Variants in PTPRD observed in about 807,000 individuals in gnomAD.
PTPRD encodes the protein receptor-type tyrosine-protein phosphatase delta.
In PTPRD, 34 loss-of-function variants were observed where a neutral mutation model predicts 214.5. The observed-to-expected ratio is 0.16, with a 90% CI of 0.12 to 0.21. PTPRD has a LOEUF of 0.21. Ranked by LOEUF, PTPRD falls within the 10% of genes least tolerant of loss-of-function variation. PTPRD has a pLI of 1.00. For missense variants in PTPRD, 2,545 were observed against 2,398.7 expected, an observed-to-expected ratio of 1.06 and a Z score of -1.27; for synonymous variants, 1,128 against 845.7, an observed-to-expected ratio of 1.33 and a Z score of -5.79.
intron 9 of PTPRD, among the ~76,000 whole-genome samples, chr9:9,268,237 G>C (rs73390818): frequency 0.017 from 2,558 of 150,902 alleles, 72 homozygotes; most frequent in African/African-American, 0.059. Context: ...CTTAAGAAAA[G>C]AAATTAAGAA....
intron 3 of PTPRD, among the ~76,000 whole-genome samples, chr9:10,125,625 T>TGC (rs914106924): frequency 1.3e-4 from 11 of 86,278 alleles, no homozygotes; most frequent in Admixed American, 1.3e-4. Context: ...CGGCTAATTG[T>TGC]GTGTGTGTGT....
intron 11 of PTPRD, among the ~76,000 whole-genome samples, chr9:8,739,312 G>A (rs549760332): frequency 2.0e-4 from 31 of 152,274 alleles, no homozygotes; most frequent in African/African-American, 7.0e-4. Context: ...CAAGAGAAGG[G>A]AGCCATCTAA....
At chr9:9,547,897 G>T (rs1329244315) in intron 8 of PTPRD, among the ~76,000 whole-genome samples, 1 of 150,322 alleles carries the variant, frequency 6.7e-6, no homozygotes, top group Non-Finnish European at 1.5e-5. Flanking sequence ...TGTGAAAGAA[G>T]CTCAAGAAAA....
chr9:10,555,388 T>C lies in PTPRD; in HGVS notation c.-600+57010A>G, dbSNP rs537024228. 4.6e-5 allele frequency among the ~76,000 whole-genome samples: 7 copies of C among 152,336 alleles called. No individual in the cohort carries two copies. The South Asian group carries it at 8.3e-4, about 18-fold the overall frequency. On this transcript the variant is annotated intron_variant, in intron 2 of 45. Transcript: ENST00000381196. Reference sequence around the variant, plus strand: ...GTTATCTTACTTCAAATTGTATCAATAGGAAGGAAGATATTACCTATTACA... The same window carrying C: ...GTTATCTTACTTCAAATTGTATCAACAGGAAGGAAGATATTACCTATTACA...
At chr9:8,732,433 AC>A (rs1163654896) in intron 12 of PTPRD, among the ~76,000 whole-genome samples, 1 of 152,200 alleles carries the variant, frequency 6.6e-6, no homozygotes, top group Non-Finnish European at 1.5e-5. Context: ...AAATAATAAA[AC>A]CATAGTCTCA....
At chr9:9,179,543 A>G (rs529464075) in intron 10 of PTPRD, among the ~76,000 whole-genome samples, 1 of 152,280 alleles carries the variant, frequency 6.6e-6, no homozygotes, top group African/African-American at 2.4e-5. Context: ...ACAGTATTTT[A>G]AATACCCTCT....
At chr9:8,757,123 C>A (rs12341036) in intron 11 of PTPRD, among the ~76,000 whole-genome samples, 7,705 of 152,222 alleles carry the variant, frequency 0.051, 486 homozygotes, top group African/African-American at 0.15. Flanking sequence ...GCGTGGGCAA[C>A]AGAGTGAGAC....
intron 2 of PTPRD, among the ~76,000 whole-genome samples, chr9:10,391,237 G>A (rs1319606649): frequency 1.3e-5 from 2 of 151,772 alleles, no homozygotes; most frequent in African/African-American, 4.8e-5. Flanking sequence ...GCTGTAATTG[G>A]TAAAGAAGCA....
intron 26 of PTPRD, among the ~76,000 whole-genome samples, chr9:8,496,952 G>A (rs965377351): frequency 6.6e-6 from 1 of 152,138 alleles, no homozygotes; most frequent in Middle Eastern, 3.2e-3. Context: ...CAACACCCCT[G>A]TGTTTTAAAG....
At chr9:8,569,070 C>T (rs1333252820) in intron 14 of PTPRD, among the ~76,000 whole-genome samples, 1 of 152,196 alleles carries the variant, frequency 6.6e-6, no homozygotes, top group African/African-American at 2.4e-5. Flanking sequence ...AACCTTCCTT[C>T]CTACCTCCAG....
In PTPRD at chr9:9,822,301, C is replaced by T. The variant is rs530130238; in HGVS notation, c.-367-55450G>A. On this transcript the variant is annotated intron_variant, in intron 5 of 45. Transcript: ENST00000381196. ...TGGTGCATGCCTGTAGTTCCAGCTA[C>T]TATGGAGGCTGAGGCAGGAGAATCA... is the stretch of plus-strand genomic sequence containing the variant. Among the ~76,000 whole-genome samples, 511 of 151,522 alleles carry T rather than the reference C, an allele frequency of 3.4e-3. 4 individuals carry two copies. Among genetic ancestry groups the T allele is most frequent in the African/African-American group, 0.012 (485 of 41,374 alleles).
At chr9:10,242,395 C>T (rs903358382) in intron 3 of PTPRD, among the ~76,000 whole-genome samples, 2 of 151,910 alleles carry the variant, frequency 1.3e-5, no homozygotes, top group African/African-American at 4.8e-5. Flanking sequence ...TAGGGCAGCG[C>T]CAAAACTCAT....
At chr9:8,613,634 G>A (rs995669250) in intron 14 of PTPRD, among the ~76,000 whole-genome samples, 2 of 151,976 alleles carry the variant, frequency 1.3e-5, no homozygotes, top group Non-Finnish European at 2.9e-5. Context: ...AATTGCCCTG[G>A]TAATTTTCAG....
At position 8,733,681 on chromosome 9, in the gene PTPRD, C is replaced by G; in HGVS notation, c.64+99G>C. 4 of 1,262,864 alleles carry G rather than the reference C, an allele frequency of 3.2e-6. No individual in the cohort carries two copies. The South Asian group carries it at 5.2e-5, about 16-fold the overall frequency. The allele number at this position is 1,262,864 out of a possible 1,614,324, so 78.2% of individuals were successfully genotyped here. On this transcript the variant is annotated intron_variant, in intron 12 of 45. Coordinates refer to ENST00000381196, the MANE Select transcript of PTPRD (RefSeq NM_002839.4). ...TCCCGCAGTGTCTCAGGATTTACTT[C>G]CAAAGGAAATGTATTCAGAGGCCCT...
At chr9:8,454,642 G>C (rs778076249) in intron 33 of PTPRD, 3 of 1,601,126 alleles carry the variant, frequency 1.9e-6, no homozygotes, top group Non-Finnish European at 2.6e-6. Flanking sequence ...CTAAATGTTA[G>C]TTGGCCAATG....
At chr9:9,215,528 G>A (rs2099951597) in intron 9 of PTPRD, among the ~76,000 whole-genome samples, 1 of 152,252 alleles carries the variant, frequency 6.6e-6, no homozygotes, top group South Asian at 2.1e-4. Context: ...CAGAATGGGG[G>A]GAGAAAAGGG....
chr9:9,910,977 G>T (rs999504744), intron 5 of PTPRD, among the ~76,000 whole-genome samples: 61 of 139,402 alleles, frequency 4.4e-4, no homozygotes, highest in African/African-American at 1.6e-3. Context: ...GCTTTGGTTT[G>T]GTGTCTAGTT....
chr9:9,734,096 C>G (rs1341465357), intron 7 of PTPRD, among the ~76,000 whole-genome samples: 1 of 152,166 alleles, frequency 6.6e-6, no homozygotes, highest in Non-Finnish European at 1.5e-5. Context: ...GTAAATTATA[C>G]TCTCAGCATT....
chr9:10,296,799 G>A (rs954496832), intron 3 of PTPRD, among the ~76,000 whole-genome samples: 1 of 152,002 alleles, frequency 6.6e-6, no homozygotes, highest in African/African-American at 2.4e-5. Context: ...CACTGTCATT[G>A]CTTCTGAGGT....
Sources: allele counts gnomAD v4.1 joint callset (sites outside exome capture counted in the v4.1 genomes callset), GRCh38; gene constraint gnomAD v4.1.1; transcripts MANE v1.5; gene names NCBI Gene and HGNC (gene_info 2026-07-23, HGNC 2026-07-21).